IL33: variants seen among roughly 807,000 people sequenced by gnomAD.
IL33 encodes the protein interleukin-33.
In IL33, 37 loss-of-function variants were observed where a neutral mutation model predicts 27.3. That is an observed-to-expected ratio of 1.36 (90% CI 1.04 to 1.78). IL33 has a LOEUF of 1.78. Among genes scored for constraint, IL33 ranks in the 40% most tolerant of loss-of-function variants. The probability of loss-of-function intolerance (pLI) is 0.00; values close to 1 mark genes in which losing one functional copy is unlikely to be tolerated. For missense variants in IL33, 406 were observed against 311.4 expected, an observed-to-expected ratio of 1.30 and a Z score of -2.29; for synonymous variants, 132 against 102.9, an observed-to-expected ratio of 1.28 and a Z score of -1.71.
At position 6,257,662 on chromosome 9, in the gene IL33, C is replaced by A. The variant is rs980436830; in HGVS notation, c.*1494C>A. 2.6e-5 allele frequency: 4 copies of A among 152,338 alleles called. No individual in the cohort carries two copies. Among genetic ancestry groups the A allele is most frequent in the African/African-American group, 9.7e-5 (4 of 41,400 alleles). The allele number at this position is 152,338 out of a possible 1,614,324, so 9.4% of individuals were successfully genotyped here. On this transcript the variant is annotated 3_prime_UTR_variant, in exon 8 of 8. Transcript: ENST00000682010. ...TAACAGAATCTTTATGAAATATGAC[C>A]TTTTCTGAAAATACATACTTTTACA...
upstream of IL33, among the ~76,000 whole-genome samples, chr9:6,215,633 G>A (rs1818102698): frequency 6.6e-6 from 1 of 152,204 alleles, no homozygotes; most frequent in African/African-American, 2.4e-5. Context: ...TTCAGATGGA[G>A]GGAGGACGCA....
intron 1 of IL33, among the ~76,000 whole-genome samples, chr9:6,238,542 A>T (rs1361644630): frequency 1.3e-5 from 2 of 152,180 alleles, no homozygotes; most frequent in Non-Finnish European, 2.9e-5. Flanking sequence ...CAGCCTCCAG[A>T]GGTTTGTCCA....
chr9:6,253,407 G>A, intron 5 of IL33, 145 bp from the exon 6 acceptor site: 1 of 553,206 alleles, frequency 1.8e-6, no homozygotes, highest in Non-Finnish European at 3.2e-6. Context: ...GTGCATTTTT[G>A]AGACCTTTCT....
chr9:6,232,421 T>G (rs1197613379), intron 1 of IL33, among the ~76,000 whole-genome samples: 1 of 152,236 alleles, frequency 6.6e-6, no homozygotes, highest in African/African-American at 2.4e-5. Context: ...TATTTAATTA[T>G]TATTTCTTGA....
chr9:6,223,380 T>C (rs1818493257), intron 1 of IL33, among the ~76,000 whole-genome samples: 1 of 152,126 alleles, frequency 6.6e-6, no homozygotes, highest in Non-Finnish European at 1.5e-5. Context: ...GCACTTTTTT[T>C]TTTAAAAGAG....
rs1564073222 is a variant in IL33 at position 6,252,064 on chromosome 9, AACCC to A, written c.344-800_344-797del. Among the ~76,000 whole-genome samples the A allele has an allele frequency of 5.8e-3, 722 of 123,590 alleles. 33 individuals are homozygous for A. Among genetic ancestry groups the A allele is most frequent in the African/African-American group, 0.022 (675 of 30,098 alleles). The allele number at this position is 123,590 out of a possible 152,430, so 81.1% of individuals were successfully genotyped here. A position where few individuals can be genotyped will look rare whatever the true frequency, so the allele number is the denominator to read the frequency against. ...AAAAACAAACAAACAAACAAAAAAA[AACCC>A]AACAAAAAACAAAACAAAACAAAAA... On this transcript the variant is annotated intron_variant, in intron 4 of 7. Coordinates refer to ENST00000682010, the MANE Select transcript of IL33 (RefSeq NM_033439.4).
In IL33 at chr9:6,257,576, C is replaced by T. The variant is rs1816809535; in HGVS notation, c.*1408C>T. The stretch of plus-strand genomic sequence containing the variant: ...AAAGGAGTAGTTTTTATTTTAAAGT[C>T]TTAGCAATTTCTATTACAACTTTTC... On this transcript the variant is annotated 3_prime_UTR_variant, in exon 8 of 8. Coordinates refer to ENST00000682010, the MANE Select transcript of IL33 (RefSeq NM_033439.4). The T allele has an allele frequency of 6.6e-6, 1 of 152,476 alleles. No individual in the cohort carries two copies. The highest frequency in any genetic ancestry group is 1.5e-5 in the Non-Finnish European group (1 of 67,990). The allele number at this position is 152,476 out of a possible 1,614,324, so 9.4% of individuals were successfully genotyped here.
intron 2 of IL33, among the ~76,000 whole-genome samples, chr9:6,250,112 T>C (rs999671811): frequency 9.9e-5 from 15 of 152,164 alleles, no homozygotes; most frequent in Admixed American, 3.9e-4. Flanking sequence ...CAGAACTTAT[T>C]TGACAGCAAA....
intron 1 of IL33, among the ~76,000 whole-genome samples, chr9:6,226,184 T>C (rs1344103386): frequency 6.6e-6 from 1 of 151,996 alleles, no homozygotes; most frequent in Non-Finnish European, 1.5e-5. Context: ...ATTTTTTTAA[T>C]TATTTTTTTT....
chr9:6,241,777 A>G lies in IL33; in HGVS notation c.83A>G (p.Lys28Arg). Reference sequence around the variant, plus strand: ...ACAGCAAGCAAAGCCTTGTGTTTCAAGCTGGGAAGTAAGGACTTAAGTTAT... The same window carrying G: ...ACAGCAAGCAAAGCCTTGTGTTTCAGGCTGGGAAGTAAGGACTTAAGTTAT... ...KNTASKALCF[K>R]LGKSQQKAKE... The change falls in exon 2 of 8, where the codon AAG (lysine) becomes AGG (arginine). Residue 28 changes from lysine (K) to arginine (R), a missense_variant. Transcript: ENST00000682010. The G allele has an allele frequency of 6.2e-7, 1 of 1,609,356 alleles. No individual in the cohort carries two copies. The highest frequency in any genetic ancestry group is 8.5e-7 in the Non-Finnish European group (1 of 1,177,180).
At chr9:6,244,634 C>A (rs912487120) in intron 2 of IL33, among the ~76,000 whole-genome samples, 1 of 152,094 alleles carries the variant, frequency 6.6e-6, no homozygotes, top group East Asian at 1.9e-4. Flanking sequence ...CAGATGGGGG[C>A]AAGCAGGATA....
chr9:6,254,730 G>A (rs2130469753), intron 7 of IL33, among the ~76,000 whole-genome samples, 177 bp downstream of exon 7: 1 of 152,216 alleles, frequency 6.6e-6, no homozygotes, highest in East Asian at 1.9e-4. Flanking sequence ...AGTAAGGAAG[G>A]GAGGAAAGTG....
chr9:6,235,654 G>A (rs1407893042), intron 1 of IL33, among the ~76,000 whole-genome samples: 1 of 152,068 alleles, frequency 6.6e-6, no homozygotes, highest in Non-Finnish European at 1.5e-5. Context: ...TTTAGGTAGA[G>A]TCCTTAAAAT....
chr9:6,242,396 A>G (rs1819581930), intron 2 of IL33: 1 of 152,226 alleles, frequency 6.6e-6, no homozygotes, highest in Admixed American at 6.5e-5. Context: ...GCTGAAGCAA[A>G]TCTGATTTTC....
chr9:6,257,506 C>A lies in IL33; in HGVS notation c.*1338C>A, dbSNP rs1293522985. ...TTTTTGTTTTTTACTGTCACTAGGG[C>A]AATAAAATTTATACTCAACCATATA... On this transcript the variant is annotated 3_prime_UTR_variant, in exon 8 of 8. Transcript: ENST00000682010. 1.3e-5 allele frequency: 2 copies of A among 152,488 alleles called. No homozygotes were observed. Among genetic ancestry groups the A allele is most frequent in the African/African-American group, 4.8e-5 (2 of 41,426 alleles). The allele number at this position is 152,488 out of a possible 1,614,324, so 9.4% of individuals were successfully genotyped here.
intron 6 of IL33, 88 bp downstream of exon 6, chr9:6,253,690 GA>G: frequency 9.8e-7 from 1 of 1,018,694 alleles, no homozygotes; most frequent in South Asian, 1.5e-5. Context: ...TGCCCCATAG[GA>G]AAAAAGATAG....
chr9:6,238,313 C>G (rs1324676232), intron 1 of IL33, among the ~76,000 whole-genome samples: 1 of 151,928 alleles, frequency 6.6e-6, no homozygotes, highest in African/African-American at 2.4e-5. Context: ...GCATTCTTGA[C>G]CAAAAAAGGT....
At chr9:6,237,540 C>T (rs1172777205) in intron 1 of IL33, among the ~76,000 whole-genome samples, 5 of 152,112 alleles carry the variant, frequency 3.3e-5, no homozygotes, top group African/African-American at 1.2e-4. Context: ...TTCTCTCAAA[C>T]TAGTCCATGA....
At chr9:6,244,615 G>C (rs2130353121) in intron 2 of IL33, among the ~76,000 whole-genome samples, 1 of 152,254 alleles carries the variant, frequency 6.6e-6, no homozygotes, top group Admixed American at 6.5e-5. Flanking sequence ...ATCATGGAAA[G>C]TAAACCCACA....
Sources: allele counts gnomAD v4.1 joint callset (sites outside exome capture counted in the v4.1 genomes callset), GRCh38; gene constraint gnomAD v4.1.1; transcripts MANE v1.5; gene names NCBI Gene and HGNC (gene_info 2026-07-23, HGNC 2026-07-21).